ENOX2: variants seen among roughly 807,000 people sequenced by gnomAD.
ENOX2 encodes the protein ecto-NOX disulfide-thiol exchanger 2.
ENOX2 carries 36 observed loss-of-function variants against 45.0 expected under a neutral mutation model. That is an observed-to-expected ratio of 0.80 (90% confidence interval 0.61 to 1.06). The LOEUF (loss-of-function observed/expected upper bound fraction) is 1.06, where lower values mean the gene tolerates loss of function less well. Ranked by LOEUF, ENOX2 falls within the 50% of genes least tolerant of loss-of-function variation. ENOX2 has a pLI of 0.00. For missense variants in ENOX2, 423 were observed against 462.5 expected, an observed-to-expected ratio of 0.91 and a Z score of 0.78; for synonymous variants, 174 against 152.3, an observed-to-expected ratio of 1.14 and a Z score of -1.05.
Position 130,637,428 on chromosome X carries a change from A to T in ENOX2, c.1130-18T>A. Reference sequence around the variant, plus strand: ...TACTAAGGCTAACAATCAATATAAAATATGAAACCATATATCCAGATTCAT... The same window carrying T: ...TACTAAGGCTAACAATCAATATAAATTATGAAACCATATATCCAGATTCAT... On this transcript the variant is annotated intron_variant, in intron 10 of 14. Coordinates refer to ENST00000394363, the MANE Select transcript of ENOX2 (RefSeq NM_006375.4). 1 of 1,159,759 alleles carries T rather than the reference A, an allele frequency of 8.6e-7. No individual in the cohort carries two copies. Among genetic ancestry groups the T allele is most frequent in the Non-Finnish European group, 1.2e-6 (1 of 852,714 alleles).
intron 2 of ENOX2, among the ~76,000 whole-genome samples, chrX:130,793,026 C>T (rs2077067210): frequency 8.9e-6 from 1 of 112,026 alleles, no homozygotes; most frequent in Non-Finnish European, 1.9e-5. Flanking sequence ...ACTAGGTGTG[C>T]CACTTACTAA....
intron 3 of ENOX2, among the ~76,000 whole-genome samples, chrX:130,779,383 C>A (rs2039924587): frequency 8.9e-6 from 1 of 112,222 alleles, no homozygotes; most frequent in Admixed American, 9.4e-5. Flanking sequence ...ATGTCTAATC[C>A]TGATTACTGG....
At chrX:130,687,786 A>G (rs1355013904) in intron 5 of ENOX2, among the ~76,000 whole-genome samples, 6 of 111,827 alleles carry the variant, frequency 5.4e-5, no homozygotes, top group Non-Finnish European at 7.5e-5. Flanking sequence ...TTTCTAGCAA[A>G]AGAGGCCAAG....
At chrX:130,823,296 G>A (rs1211349041) in intron 2 of ENOX2, among the ~76,000 whole-genome samples, 2 of 111,971 alleles carry the variant, frequency 1.8e-5, no homozygotes, top group African/African-American at 6.5e-5. Context: ...ACACACCTGA[G>A]AGAGTGTTGG....
At chrX:130,750,455 CATGT>C (rs2039192567) in intron 3 of ENOX2, among the ~76,000 whole-genome samples, 1 of 111,692 alleles carries the variant, frequency 9.0e-6, no homozygotes, top group Non-Finnish European at 1.9e-5. Context: ...TGGGTGTCTG[CATGT>C]ATTTATCTCA....
chrX:130,688,149 G>A (rs779318691), intron 5 of ENOX2, among the ~76,000 whole-genome samples: 1 of 112,193 alleles, frequency 8.9e-6, no homozygotes, highest in African/African-American at 3.2e-5. Flanking sequence ...ATCACTGAAT[G>A]TATATAAAAC....
rs200263851 is a variant in ENOX2 at position 130,806,824 on chromosome X, ACT to A, written c.-182-23136_-182-23135del. Among the ~76,000 whole-genome samples, 1,034 of 112,304 alleles carry A rather than the reference ACT, an allele frequency of 9.2e-3. 17 individuals are homozygous for A. The highest frequency in any genetic ancestry group is 0.031 in the African/African-American group (972 of 30,925). ...TATCATTTCATGTTTAATTTTTATA[ACT>A]CTGGGGGTTAAAGTAGGTATTATTA... is the stretch of plus-strand genomic sequence containing the variant. On this transcript the variant is annotated intron_variant, in intron 2 of 14. Transcript: ENST00000394363.
chrX:130,849,896 C>T (rs1331998536), intron 2 of ENOX2, among the ~76,000 whole-genome samples: 2 of 111,327 alleles, frequency 1.8e-5, no homozygotes, highest in African/African-American at 3.3e-5. Flanking sequence ...ATGCTTGAAG[C>T]ACAGGGAAGG....
intron 4 of ENOX2, among the ~76,000 whole-genome samples, chrX:130,691,704 G>A (rs1464427454): frequency 1.8e-5 from 2 of 112,322 alleles, no homozygotes; most frequent in Non-Finnish European, 3.8e-5. Flanking sequence ...TGAAATGTTT[G>A]TCTTCCTTCT....
intron 3 of ENOX2, among the ~76,000 whole-genome samples, chrX:130,727,896 A>T (rs1260774831): frequency 8.9e-6 from 1 of 112,142 alleles, no homozygotes; most frequent in Non-Finnish European, 1.9e-5. Context: ...TTACCTGAGG[A>T]CTATTACCTG....
intron 4 of ENOX2, among the ~76,000 whole-genome samples, chrX:130,698,773 A>C (rs1321979851): frequency 1.8e-5 from 2 of 111,368 alleles, no homozygotes; most frequent in African/African-American, 6.5e-5. Flanking sequence ...TCCAGTGAGA[A>C]CTGCCTCCTT....
At chrX:130,729,673 C>T (rs1049802654) in intron 3 of ENOX2, among the ~76,000 whole-genome samples, 3 of 112,079 alleles carry the variant, frequency 2.7e-5, no homozygotes, top group Non-Finnish European at 5.6e-5. Flanking sequence ...AATACAAATT[C>T]ATCTTTGTGA....
chrX:130,633,155 T>C (rs1039981461), intron 12 of ENOX2, among the ~76,000 whole-genome samples: 1 of 112,015 alleles, frequency 8.9e-6, no homozygotes, highest in Admixed American at 9.5e-5. Flanking sequence ...CTTAGTTCTT[T>C]CCGCACTAAG....
intron 3 of ENOX2, among the ~76,000 whole-genome samples, chrX:130,743,618 T>C (rs189690336): frequency 9.1e-5 from 10 of 110,100 alleles, no homozygotes; most frequent in Admixed American, 1.9e-4. Context: ...ATTACAGGCA[T>C]CTGCCACCAC....
intron 3 of ENOX2, among the ~76,000 whole-genome samples, chrX:130,705,798 A>G (rs1201199221): frequency 8.9e-6 from 1 of 111,732 alleles, no homozygotes; most frequent in Non-Finnish European, 1.9e-5. Context: ...AGTGGGAAGG[A>G]GCCTGGCCCC....
At chrX:130,665,809 G>A in intron 8 of ENOX2, 60 bp from the exon 9 acceptor site, 1 of 672,153 alleles carries the variant, frequency 1.5e-6, no homozygotes, top group Non-Finnish European at 2.4e-6. Flanking sequence ...TGGAAAAAGA[G>A]AGGAGAAAAG....
chrX:130,648,138 T>C (rs1193461374), intron 10 of ENOX2, among the ~76,000 whole-genome samples: 3 of 111,485 alleles, frequency 2.7e-5, no homozygotes, highest in Non-Finnish European at 5.7e-5. Flanking sequence ...GAACTTTGGG[T>C]AGGAGAAAGT....
At chrX:130,838,167 G>A (rs1189452318) in intron 2 of ENOX2, among the ~76,000 whole-genome samples, 1 of 111,666 alleles carries the variant, frequency 9.0e-6, no homozygotes, top group Non-Finnish European at 1.9e-5. Context: ...GATCACTTGA[G>A]GTAAGGAGTT....
In ENOX2 at chrX:130,801,459, C is replaced by G. The variant is rs146842452; in HGVS notation, c.-182-17769G>C. On this transcript the variant is annotated intron_variant, in intron 2 of 14. Transcript: ENST00000394363. ...TGTTCGGATAAATGTTTTTACTGAT[C>G]CATGGCTCACCACTGATTAAAGAAA... Among the ~76,000 whole-genome samples the G allele has an allele frequency of 4.5e-3, 496 of 111,421 alleles. 2 individuals carry two copies. Among genetic ancestry groups the G allele is most frequent in the African/African-American group, 0.015 (474 of 30,674 alleles).
Sources: allele counts gnomAD v4.1 joint callset (sites outside exome capture counted in the v4.1 genomes callset), GRCh38; gene constraint gnomAD v4.1.1; transcripts MANE v1.5; gene names NCBI Gene and HGNC (gene_info 2026-07-23, HGNC 2026-07-21).